The following CEP112 variants were observed in gnomAD, a reference collection of about 807,000 sequenced individuals.
CEP112 encodes the protein centrosomal protein of 112 kDa.
Under a neutral mutation model 153.0 loss-of-function variants are expected in CEP112, and 127 were observed. The ratio of observed to expected loss-of-function variants is 0.83; its 90% CI spans 0.72 to 0.96. CEP112 has a LOEUF of 0.96. Ranked by LOEUF, CEP112 falls within the 40% of genes least tolerant of loss-of-function variation. The pLI, the probability that CEP112 is intolerant of heterozygous loss-of-function variation, is 0.00. For missense variants in CEP112, 1,089 were observed against 1,101.2 expected (o/e 0.99, Z 0.16); for synonymous variants, 358 against 374.4 (o/e 0.96, Z 0.51).
intron 20 of CEP112, among the ~76,000 whole-genome samples, chr17:65,856,692 C>A (rs925436392): frequency 6.6e-6 from 1 of 152,012 alleles, no homozygotes; most frequent in Non-Finnish European, 1.5e-5. Context: ...GTGTAACTAC[C>A]AACCAAATAT....
At chr17:65,951,741 C>A (rs7220993) in intron 18 of CEP112, among the ~76,000 whole-genome samples, 6 of 109,026 alleles carry the variant, frequency 5.5e-5, no homozygotes, top group East Asian at 7.2e-4. Flanking sequence ...TAATCTTCCC[C>A]CGCCCCCCCC....
chr17:65,659,788 A>C (rs2046252390), intron 24 of CEP112, among the ~76,000 whole-genome samples: 1 of 152,240 alleles, frequency 6.6e-6, no homozygotes, highest in Non-Finnish European at 1.5e-5. Context: ...GGAGCTTCAG[A>C]AATACATAAC....
chr17:65,885,647 A>C (rs2059249439), intron 20 of CEP112, among the ~76,000 whole-genome samples: 1 of 152,192 alleles, frequency 6.6e-6, no homozygotes, highest in Non-Finnish European at 1.5e-5. Flanking sequence ...CAAACACCTC[A>C]CTAATAGTCA....
intron 21 of CEP112, among the ~76,000 whole-genome samples, chr17:65,754,945 G>T (rs748481844): frequency 3.3e-5 from 5 of 152,112 alleles, no homozygotes; most frequent in African/African-American, 1.2e-4. Flanking sequence ...TGCGGGGAGG[G>T]AGAGCATCAG....
In CEP112 at chr17:65,901,997, GGT is replaced by G. The variant is rs201886854; in HGVS notation, c.2163+153_2163+154del. Among the ~76,000 whole-genome samples, 60 of 47,250 alleles carry G rather than the reference GGT, an allele frequency of 1.3e-3. 1 individual carries two copies. Among genetic ancestry groups the G allele is most frequent in the South Asian group, 2.8e-3 (2 of 702 alleles). The allele number at this position is 47,250 out of a possible 152,430, so 31.0% of individuals were successfully genotyped here. On this transcript the variant is annotated intron_variant, in intron 20 of 26. Coordinates refer to ENST00000535342, the MANE Select transcript of CEP112 (RefSeq NM_001199165.4). ...TCATCCCAAAACGGGGGGGGGGGGG[GGT>G]GGGGGGGAGAAAAACAAAAAAAAAA...
intron 21 of CEP112, among the ~76,000 whole-genome samples, chr17:65,833,275 G>C (rs557470523): frequency 2.6e-5 from 4 of 152,236 alleles, no homozygotes; most frequent in African/African-American, 9.6e-5. Context: ...AAAGCCAGAA[G>C]CATTTCCCTT....
chr17:65,690,113 C>CAAA (rs67399289), intron 23 of CEP112, among the ~76,000 whole-genome samples: 12 of 62,558 alleles, frequency 1.9e-4, no homozygotes, highest in Non-Finnish European at 2.4e-4. Context: ...GAAAACAGAC[C>CAAA]AAAAAAAAAA....
chr17:65,702,039 C>G lies in CEP112; in HGVS notation c.2608-12821G>C, dbSNP rs187134465. 8.6e-5 allele frequency among the ~76,000 whole-genome samples: 13 copies of G among 152,030 alleles called. No individual in the cohort carries two copies. The East Asian group carries it at 2.5e-3, about 29-fold the overall frequency. On this transcript the variant is annotated intron_variant, in intron 23 of 26. Transcript: ENST00000535342. The stretch of plus-strand genomic sequence containing the variant: ...TGTAGGCACCCGCCATCACACCTGG[C>G]TAGTTTTTATATTTTTAGTAGAGAT...
intron 23 of CEP112, among the ~76,000 whole-genome samples, chr17:65,736,412 G>A (rs2050806462): frequency 6.6e-6 from 1 of 152,134 alleles, no homozygotes; most frequent in Non-Finnish European, 1.5e-5. Flanking sequence ...AAATGGAAAT[G>A]CCCAGTAGTA....
intron 17 of CEP112, among the ~76,000 whole-genome samples, chr17:65,964,304 A>G (rs911560947): frequency 2.6e-5 from 4 of 152,208 alleles, no homozygotes; most frequent in African/African-American, 9.7e-5. Context: ...ATGGTGATTA[A>G]TAACTGAATA....
chr17:65,688,535 C>A (rs1251792171), intron 24 of CEP112: 1 of 152,316 alleles, frequency 6.6e-6, no homozygotes, highest in Non-Finnish European at 1.5e-5. Flanking sequence ...AAACTGGCAG[C>A]CCTTTTCTGC....
In CEP112 at chr17:65,651,796, G is replaced by A. The variant is rs143867958; in HGVS notation, c.2698-10731C>T. Among the ~76,000 whole-genome samples the A allele has an allele frequency of 6.0e-4, 92 of 152,128 alleles. 1 individual carries two copies. The highest frequency in any genetic ancestry group is 6.0e-3 in the East Asian group (31 of 5,162). ...GCTCACTACAAACTCCACCTCCCAG[G>A]TTCAAGTGATTCTCCTGCCTCAGCC... On this transcript the variant is annotated intron_variant, in intron 24 of 26. Coordinates refer to ENST00000535342, the MANE Select transcript of CEP112 (RefSeq NM_001199165.4).
intron 20 of CEP112, among the ~76,000 whole-genome samples, chr17:65,855,632 T>C (rs555363361): frequency 2.6e-5 from 4 of 152,286 alleles, no homozygotes; most frequent in African/African-American, 9.6e-5. Flanking sequence ...TCAGGATATC[T>C]GATAGTCCCA....
intron 16 of CEP112, among the ~76,000 whole-genome samples, chr17:66,017,955 G>A (rs942241613): frequency 1.3e-5 from 2 of 150,772 alleles, no homozygotes; most frequent in African/African-American, 4.9e-5. Context: ...AGCTGAGATT[G>A]TGCCACTGCA....
intron 22 of CEP112, among the ~76,000 whole-genome samples, chr17:65,748,409 T>C (rs1189495254): frequency 6.6e-6 from 1 of 152,192 alleles, no homozygotes; most frequent in Non-Finnish European, 1.5e-5. Flanking sequence ...ACCCTGTGCC[T>C]CTCCAAGCTT....
intron 8 of CEP112, among the ~76,000 whole-genome samples, chr17:66,087,133 T>A (rs2067969626): frequency 6.6e-6 from 1 of 152,316 alleles, no homozygotes; most frequent in East Asian, 1.9e-4. Flanking sequence ...ATTTTTATAG[T>A]ATGCCCAAAA....
chr17:66,017,348 A>G (rs1248512622), intron 16 of CEP112, among the ~76,000 whole-genome samples: 1 of 152,186 alleles, frequency 6.6e-6, no homozygotes, highest in Admixed American at 6.5e-5. Context: ...ATTAGAATGA[A>G]ATTATCTGGG....
chr17:65,679,129 C>CCTTTTTTT (rs2047379293), intron 24 of CEP112, among the ~76,000 whole-genome samples: 3 of 31,612 alleles, frequency 9.5e-5, no homozygotes, highest in Non-Finnish European at 1.8e-4. Context: ...GTGGTTCAAG[C>CCTTTTTTT]TTTTTTTTTT....
intron 18 of CEP112, among the ~76,000 whole-genome samples, chr17:65,952,092 T>C (rs11869867): frequency 0.52 from 79,241 of 151,418 alleles, 21,770 homozygotes; most frequent in East Asian, 0.95. Flanking sequence ...GAACACACTT[T>C]GTATTTCCAT....
Sources: allele counts gnomAD v4.1 joint callset (sites outside exome capture counted in the v4.1 genomes callset), GRCh38; gene constraint gnomAD v4.1.1; transcripts MANE v1.5; gene names NCBI Gene and HGNC (gene_info 2026-07-23, HGNC 2026-07-21).